The following SVOPL variants were observed in gnomAD, a reference collection of about 807,000 sequenced individuals.
SVOPL encodes the protein putative transporter SVOPL.
In SVOPL, 60 loss-of-function variants were observed where a neutral mutation model predicts 61.0. The observed-to-expected ratio is 0.98, with a 90% confidence interval of 0.80 to 1.22. SVOPL has a LOEUF of 1.22. Ranked by LOEUF, SVOPL falls within the 50% of genes most tolerant of loss-of-function variation. The pLI, the probability that SVOPL is intolerant of heterozygous loss-of-function variation, is 0.00. For synonymous variants in SVOPL, 279 were observed against 250.0 expected, an observed-to-expected ratio of 1.12 and a Z score of -1.09; for missense variants, 662 against 643.9, an observed-to-expected ratio of 1.03 and a Z score of -0.30.
intron 14 of SVOPL, chr7:138,596,810 A>G: frequency 8.9e-7 from 1 of 1,125,360 alleles, no homozygotes. Context: ...GTTTTGATAT[A>G]TGGAAAAGAT....
chr7:138,679,133 T>C, intron 1 of SVOPL, 54 bp from the exon 2 acceptor site: 1 of 1,259,880 alleles, frequency 7.9e-7, no homozygotes, highest in South Asian at 1.3e-5. Flanking sequence ...TATTGGATAG[T>C]TAGTATATGC....
intron 12 of SVOPL, among the ~76,000 whole-genome samples, chr7:138,626,886 T>A (rs1490903507): frequency 1.3e-5 from 2 of 151,566 alleles, no homozygotes; most frequent in Non-Finnish European, 2.9e-5. Context: ...GCTGCTACCA[T>A]CCCCTGGAAA....
chr7:138,662,719 G>A, intron 5 of SVOPL: 1 of 1,063,814 alleles, frequency 9.4e-7, no homozygotes, highest in African/African-American at 1.7e-5. Context: ...ACGTGGTGGG[G>A]GCATCTAACC....
At chr7:138,675,905 C>G (rs1802548262) in intron 3 of SVOPL, among the ~76,000 whole-genome samples, 1 of 152,188 alleles carries the variant, frequency 6.6e-6, no homozygotes, top group Non-Finnish European at 1.5e-5. Context: ...GTGACGCAAT[C>G]TAAGCCCACT....
chr7:138,660,967 T>A, intron 5 of SVOPL: 1 of 983,198 alleles, frequency 1.0e-6, no homozygotes, highest in South Asian at 4.7e-5. Flanking sequence ...TATTTTGTTT[T>A]TGATAACTCC....
chr7:138,646,269 T>C (rs1349833024), intron 8 of SVOPL: 3 of 164,906 alleles, frequency 1.8e-5, no homozygotes, highest in Non-Finnish European at 3.9e-5. Flanking sequence ...CTGCGTAGCA[T>C]CATAGACTCC....
Position 138,678,752 on chromosome 7 carries a change from G to T in SVOPL, c.82+212C>A, listed in dbSNP as rs138479616. Among the ~76,000 whole-genome samples, 6 of 152,226 alleles carry T rather than the reference G, an allele frequency of 3.9e-5. No homozygotes were observed. In the South Asian group the frequency reaches 1.2e-3, roughly 32 times the overall value. Reference sequence around the variant, plus strand: ...CACTGGCCTAATTTTTGTATTTTTAGTAGAGACGGGATTTCACCATGTTGG... The same window carrying T: ...CACTGGCCTAATTTTTGTATTTTTATTAGAGACGGGATTTCACCATGTTGG... On this transcript the variant is annotated intron_variant, in intron 2 of 15. Transcript: ENST00000674285.
chr7:138,657,071 T>C (rs576888668), intron 6 of SVOPL, among the ~76,000 whole-genome samples: 55 of 152,094 alleles, frequency 3.6e-4, no homozygotes, highest in African/African-American at 1.2e-3. Flanking sequence ...ATAAGCCTTA[T>C]CTGTTTTGCC....
chr7:138,670,775 C>T (rs911482927), intron 4 of SVOPL, among the ~76,000 whole-genome samples: 6 of 152,052 alleles, frequency 3.9e-5, no homozygotes, highest in African/African-American at 1.4e-4. Flanking sequence ...GAAAGATGAA[C>T]CCTAGGGCAG....
intron 14 of SVOPL, among the ~76,000 whole-genome samples, chr7:138,605,864 C>G (rs1351475030): frequency 1.3e-5 from 2 of 152,222 alleles, no homozygotes; most frequent in Non-Finnish European, 2.9e-5. Flanking sequence ...TCTCCCTCCC[C>G]ACTCCAGCAG....
intron 4 of SVOPL, among the ~76,000 whole-genome samples, chr7:138,669,825 C>G (rs1445891038): frequency 6.6e-6 from 1 of 152,082 alleles, no homozygotes; most frequent in African/African-American, 2.4e-5. Flanking sequence ...TTTTGTATGC[C>G]TTTTTTCCCC....
chr7:138,620,998 A>T (rs3734946), intron 14 of SVOPL, 48 bp downstream of exon 14: 550,812 of 1,556,434 alleles, frequency 0.35, 99,262 homozygotes, highest in East Asian at 0.4. Context: ...GGTTCCTCTT[A>T]CCCCCTCTCT....
chr7:138,620,411 G>A (rs1447512077), intron 14 of SVOPL, among the ~76,000 whole-genome samples: 17 of 129,846 alleles, frequency 1.3e-4, no homozygotes, highest in African/African-American at 3.8e-4. Context: ...ATGAGCTACC[G>A]CACCCCAGTC....
chr7:138,604,677 C>CAAAAAAAAAAAAAAAAAAAAAAAAATTAA (rs5887890), intron 14 of SVOPL, among the ~76,000 whole-genome samples: 1 of 58,814 alleles, frequency 1.7e-5, no homozygotes, highest in Non-Finnish European at 2.9e-5. Context: ...AACTTTATCT[C>CAAAAAAAAAAAAAAAAAAAAAAAAATTAA]AAAAAAAAAA....
At position 138,638,272 on chromosome 7, in the gene SVOPL, C is replaced by CAAAA. The variant is rs56000217; in HGVS notation, c.789+6441_789+6444dup. On this transcript the variant is annotated intron_variant, in intron 9 of 15. Transcript: ENST00000674285. Reference sequence around the variant, plus strand: ...TGGGCAGCAGATTGAGACTCCACCTCAAAAAAAAAAAAAAAAAAAAAGTAT... The same window carrying CAAAA: ...TGGGCAGCAGATTGAGACTCCACCTCAAAAAAAAAAAAAAAAAAAAAAAAAGTAT... Among the ~76,000 whole-genome samples the CAAAA allele has an allele frequency of 2.5e-3, 235 of 95,752 alleles. 2 individuals carry two copies. Among genetic ancestry groups the CAAAA allele is most frequent in the African/African-American group, 9.2e-3 (219 of 23,900 alleles). The allele number at this position is 95,752 out of a possible 152,430, so 62.8% of individuals were successfully genotyped here. A position where few individuals can be genotyped will look rare whatever the true frequency, so the allele number is the denominator to read the frequency against.
At chr7:138,656,871 C>T (rs928731647) in intron 6 of SVOPL, among the ~76,000 whole-genome samples, 1 of 152,076 alleles carries the variant, frequency 6.6e-6, no homozygotes, top group Middle Eastern at 3.4e-3. Context: ...GGAAAAACCC[C>T]GTTTCTACTA....
intron 1 of SVOPL, among the ~76,000 whole-genome samples, chr7:138,681,073 TAA>T (rs1470392845): frequency 6.6e-6 from 1 of 150,978 alleles, no homozygotes; most frequent in African/African-American, 2.5e-5. Flanking sequence ...TTTTCATTGT[TAA>T]GAGGAAAAAG....
chr7:138,698,126 G>A (rs534851783), intron 1 of SVOPL, among the ~76,000 whole-genome samples: 58 of 151,196 alleles, frequency 3.8e-4, no homozygotes, highest in South Asian at 1.5e-3. Flanking sequence ...GAGTAGAGGT[G>A]GGAATGAAGC....
chr7:138,621,848 ATC>A (rs1799589467), intron 13 of SVOPL, among the ~76,000 whole-genome samples: 1 of 48,292 alleles, frequency 2.1e-5, no homozygotes, highest in Non-Finnish European at 4.9e-5. Flanking sequence ...CTATCTATGT[ATC>A]TATCTATCTA....
Sources: allele counts gnomAD v4.1 joint callset (sites outside exome capture counted in the v4.1 genomes callset), GRCh38; gene constraint gnomAD v4.1.1; transcripts MANE v1.5; gene names NCBI Gene and HGNC (gene_info 2026-07-23, HGNC 2026-07-21).